Variants in DIAPH3 observed in about 807,000 individuals in gnomAD.
DIAPH3 encodes protein diaphanous homolog 3.
A neutral mutation model predicts 144.3 loss-of-function variants in DIAPH3; 117 were observed. The observed-to-expected ratio is 0.81, with a 90% CI of 0.70 to 0.95. DIAPH3 has a LOEUF of 0.95. Ranked by LOEUF, DIAPH3 falls within the 40% of genes least tolerant of loss-of-function variation. DIAPH3 has a pLI of 0.00. For missense variants in DIAPH3, 1,421 were observed against 1,412.7 expected (o/e 1.01, Z -0.09); for synonymous variants, 519 against 488.9 (o/e 1.06, Z -0.81).
Position 59,839,410 on chromosome 13 carries a change from C to T in DIAPH3, c.2776G>A (p.Gly926Arg). 2 of 1,613,674 alleles carry T rather than the reference C, an allele frequency of 1.2e-6. No individual in the cohort carries two copies. Among genetic ancestry groups the T allele is most frequent in the Non-Finnish European group, 1.7e-6 (2 of 1,179,772 alleles). Residue 926 changes from glycine to arginine, a missense_variant, in exon 23 of 28, where the codon GGA becomes AGA. Gly to Arg is a moderately radical substitution (Grantham distance 125). Coordinates refer to ENST00000400324, the MANE Select transcript of DIAPH3 (RefSeq NM_001042517.2). ...TTCTCAAGCTGTTGAAGCTGCCTTCCCATCTGCCTCAAATTCTTTTCCAGC... is the reference window on the plus strand; with the variant it reads ...TTCTCAAGCTGTTGAAGCTGCCTTCTCATCTGCCTCAAATTCTTTTCCAGC... ...ETLEKNLRQM[G>R]RQLQQLEKEL...
At chr13:59,939,670 T>G (rs1042526966) in intron 17 of DIAPH3, among the ~76,000 whole-genome samples, 2 of 152,152 alleles carry the variant, frequency 1.3e-5, no homozygotes, top group Non-Finnish European at 2.9e-5. Context: ...GGAGATGTAT[T>G]TGGAATATTC....
chr13:60,026,740 C>G (rs763268863), intron 5 of DIAPH3, among the ~76,000 whole-genome samples: 3 of 152,176 alleles, frequency 2.0e-5, no homozygotes, highest in Non-Finnish European at 2.9e-5. Flanking sequence ...CTCTCTCTCT[C>G]TCCTCCAAGA....
chr13:60,126,397 C>T (rs1221473089), intron 2 of DIAPH3, among the ~76,000 whole-genome samples: 2 of 152,048 alleles, frequency 1.3e-5, no homozygotes, highest in African/African-American at 2.4e-5. Flanking sequence ...GATTTTAAAA[C>T]GTCATTTATT....
At chr13:59,877,141 A>T (rs1593792139) in intron 21 of DIAPH3, among the ~76,000 whole-genome samples, 2 of 152,264 alleles carry the variant, frequency 1.3e-5, no homozygotes, top group African/African-American at 4.8e-5. Context: ...CTTCAATCAT[A>T]TGCCCTTTAA....
chr13:59,732,501 T>G (rs1002684566), intron 27 of DIAPH3, among the ~76,000 whole-genome samples: 6 of 151,762 alleles, frequency 4.0e-5, no homozygotes, highest in Admixed American at 3.9e-4. Flanking sequence ...TGGAGTGCAG[T>G]GGCAATCACA....
chr13:59,981,233 T>C (rs968368488), intron 13 of DIAPH3, among the ~76,000 whole-genome samples: 18 of 151,018 alleles, frequency 1.2e-4, no homozygotes, highest in African/African-American at 3.4e-4. Context: ...ATTAGAAAAA[T>C]TGATACTAAA....
At chr13:59,700,524 A>C (rs760633551) in intron 27 of DIAPH3, among the ~76,000 whole-genome samples, 1 of 152,200 alleles carries the variant, frequency 6.6e-6, no homozygotes, top group Non-Finnish European at 1.5e-5. Context: ...TTCTGAAATT[A>C]GGTTTAAGCC....
intron 20 of DIAPH3, among the ~76,000 whole-genome samples, chr13:59,884,012 T>A (rs1366609904): frequency 1.3e-5 from 2 of 152,174 alleles, no homozygotes; most frequent in Non-Finnish European, 2.9e-5. Context: ...GAAAACAGGC[T>A]GCATAGTAGG....
intron 18 of DIAPH3, among the ~76,000 whole-genome samples, chr13:59,919,271 C>G (rs2140277647): frequency 6.6e-6 from 1 of 152,152 alleles, no homozygotes; most frequent in African/African-American, 2.4e-5. Flanking sequence ...TAGCAGAAAA[C>G]TTTCCAAACC....
intron 19 of DIAPH3, among the ~76,000 whole-genome samples, 193 bp from the exon 20 acceptor site, chr13:59,912,029 C>A (rs925843142): frequency 6.6e-6 from 1 of 152,008 alleles, no homozygotes. Flanking sequence ...TTTCTCTATC[C>A]CAGAGTTATT....
At chr13:60,069,842 T>C (rs537981255) in intron 4 of DIAPH3, among the ~76,000 whole-genome samples, 2 of 152,306 alleles carry the variant, frequency 1.3e-5, no homozygotes, top group Admixed American at 6.5e-5. Context: ...TATATGTCTG[T>C]TTTTGTACAA....
chr13:60,042,142 T>A (rs1050811677), intron 5 of DIAPH3, among the ~76,000 whole-genome samples: 1 of 152,140 alleles, frequency 6.6e-6, no homozygotes, highest in African/African-American at 2.4e-5. Context: ...TGGAAACACC[T>A]ATGGTATTGT....
intron 17 of DIAPH3, among the ~76,000 whole-genome samples, chr13:59,940,196 G>T (rs2140376660): frequency 6.6e-6 from 1 of 152,198 alleles, no homozygotes; most frequent in South Asian, 2.1e-4. Flanking sequence ...TGGGAATGCA[G>T]TGGCTTAAAT....
chr13:59,746,404 T>C (rs2139083519), intron 27 of DIAPH3, among the ~76,000 whole-genome samples: 1 of 151,580 alleles, frequency 6.6e-6, no homozygotes, highest in East Asian at 1.9e-4. Context: ...TTTTTTTTTT[T>C]AGTAGATTGG....
chr13:59,732,829 C>T (rs555004758), intron 27 of DIAPH3, among the ~76,000 whole-genome samples: 1 of 152,204 alleles, frequency 6.6e-6, no homozygotes, highest in South Asian at 2.1e-4. Flanking sequence ...AAAATTAGAA[C>T]ATTATTTTTA....
In DIAPH3 at chr13:59,825,258, A is replaced by T. The variant is rs139032277; in HGVS notation, c.3027+7849T>A. 4.8e-3 allele frequency among the ~76,000 whole-genome samples: 728 copies of T among 152,046 alleles called. 6 individuals carry two copies. Among genetic ancestry groups the T allele is most frequent in the African/African-American group, 0.017 (700 of 41,466 alleles). On this transcript the variant is annotated intron_variant, in intron 24 of 27. Transcript: ENST00000400324. ...TGTGTCCATGTGTTCTCATTGTTCA[A>T]TTCCCACCTACGAGTGAGAACATAT... is the stretch of plus-strand genomic sequence containing the variant.
intron 1 of DIAPH3, among the ~76,000 whole-genome samples, chr13:60,160,358 T>A (rs1952235313): frequency 6.6e-6 from 1 of 152,248 alleles, no homozygotes; most frequent in Non-Finnish European, 1.5e-5. Context: ...TGAGAACTTT[T>A]AGAGGACTCT....
intron 4 of DIAPH3, among the ~76,000 whole-genome samples, chr13:60,061,863 G>T (rs554398568): frequency 8.5e-5 from 13 of 152,090 alleles, no homozygotes; most frequent in Admixed American, 4.6e-4. Context: ...TTAACTCCGG[G>T]GGGTGAGGGG....
At chr13:59,998,297 T>A (rs1381302733) in intron 9 of DIAPH3, among the ~76,000 whole-genome samples, 1 of 152,142 alleles carries the variant, frequency 6.6e-6, no homozygotes, top group Non-Finnish European at 1.5e-5. Flanking sequence ...ATTAATTTCT[T>A]CTATGTCCTC....
Sources: gnomAD v4.1 joint callset for allele counts (sites outside exome capture counted in the v4.1 genomes callset) on GRCh38, gnomAD v4.1.1 for gene constraint, MANE v1.5 for transcripts, NCBI Gene and HGNC (gene_info 2026-07-23, HGNC 2026-07-21) for gene names.